ELMO1: variants seen among roughly 807,000 people sequenced by gnomAD.
The protein encoded by ELMO1 is engulfment and cell motility 1, also known as engulfment and cell motility protein 1.
Under a neutral mutation model 98.9 loss-of-function variants are expected in ELMO1, and 26 were observed. The observed-to-expected ratio is 0.26, with a 90% CI of 0.19 to 0.36. The LOEUF (loss-of-function observed/expected upper bound fraction) is 0.36. ELMO1 is among the 10% of genes least tolerant of loss of function. The pLI is 1.00. For synonymous variants in ELMO1, 346 were observed against 346.0 expected (o/e 1.00, Z 0.00); for missense variants, 627 against 935.2 (o/e 0.67, Z 4.30).
In ELMO1 at chr7:36,855,504, A is replaced by T; in HGVS notation, c.*47T>A. The T allele has an allele frequency of 1.2e-6, 2 of 1,609,624 alleles. No individual in the cohort carries two copies. Among genetic ancestry groups the T allele is most frequent in the Non-Finnish European group, 1.7e-6 (2 of 1,177,076 alleles). ...TGTGTTTTCATTCCTCTCTCCTGTT[A>T]GCTAGGTGTTCCAGTTTTGGAAGGG... On this transcript the variant is annotated 3_prime_UTR_variant, in exon 22 of 22. Transcript: ENST00000310758. The surrounding 1 kb of genome is among the most constrained non-coding windows in gnomAD (Gnocchi z 4.2).
intron 5 of ELMO1, among the ~76,000 whole-genome samples, chr7:37,262,063 A>G (rs1027969180): frequency 2.6e-5 from 4 of 152,228 alleles, no homozygotes; most frequent in African/African-American, 9.6e-5. Flanking sequence ...ATAATGTGGA[A>G]GCTAAGTAGA....
Position 36,855,852 on chromosome 7 carries a change from T to A in ELMO1, c.1984-101A>T. 1 of 1,347,770 alleles carries A rather than the reference T, an allele frequency of 7.4e-7. No homozygotes were observed. The highest frequency in any genetic ancestry group is 1.0e-6 in the Non-Finnish European group (1 of 955,972). 83.5% of individuals were successfully genotyped at this position (1,347,770 alleles called of 1,614,324 possible). Reference sequence around the variant, plus strand: ...TGAATACTCATCCCTCAGTAGGCTGTGCGCTAAGGGCTCTGCCTACTTCGT... The same window carrying A: ...TGAATACTCATCCCTCAGTAGGCTGAGCGCTAAGGGCTCTGCCTACTTCGT... On this transcript the variant is annotated intron_variant, in intron 21 of 21. Coordinates refer to ENST00000310758, the MANE Select transcript of ELMO1 (RefSeq NM_014800.11). This position sits in a 1 kb window ranked among gnomAD's most constrained non-coding sequence, Gnocchi z 4.2.
intron 14 of ELMO1, among the ~76,000 whole-genome samples, chr7:37,123,622 C>T (rs926137968): frequency 6.6e-6 from 1 of 152,138 alleles, no homozygotes; most frequent in African/African-American, 2.4e-5. Context: ...CAATAACAGG[C>T]TCTGAAATTG....
At chr7:37,252,426 A>AT (rs1795402165) in intron 6 of ELMO1, among the ~76,000 whole-genome samples, 1 of 152,200 alleles carries the variant, frequency 6.6e-6, no homozygotes, top group African/African-American at 2.4e-5. Context: ...AAATAATGCC[A>AT]CACATCTACA....
intron 5 of ELMO1, among the ~76,000 whole-genome samples, chr7:37,265,901 G>C (rs192897114): frequency 1.3e-5 from 2 of 152,270 alleles, no homozygotes; most frequent in African/African-American, 2.4e-5. Context: ...TTTTGCCAGA[G>C]CACCGGGAGG....
intron 5 of ELMO1, among the ~76,000 whole-genome samples, chr7:37,261,823 A>G (rs1243986198): frequency 2.0e-5 from 3 of 152,146 alleles, no homozygotes; most frequent in Non-Finnish European, 4.4e-5. Context: ...GCTGGTCTTG[A>G]ATTCCTGACC....
intron 16 of ELMO1, among the ~76,000 whole-genome samples, chr7:36,981,614 C>T (rs550350367): frequency 9.3e-4 from 141 of 152,122 alleles, no homozygotes; most frequent in African/African-American, 3.2e-3. Flanking sequence ...AAATTAAACC[C>T]ACGTTCCATA....
chr7:36,871,823 A>G (rs1395060992), intron 19 of ELMO1, among the ~76,000 whole-genome samples: 2 of 152,286 alleles, frequency 1.3e-5, no homozygotes, highest in South Asian at 2.1e-4. Flanking sequence ...TATTAAAACA[A>G]TACACAAGAA....
At chr7:37,176,705 C>T (rs1044629597) in intron 13 of ELMO1, among the ~76,000 whole-genome samples, 1 of 152,112 alleles carries the variant, frequency 6.6e-6, no homozygotes, top group African/African-American at 2.4e-5. Flanking sequence ...TGACCAAAAA[C>T]TGGAAGCAAA....
At chr7:37,407,968 T>A (rs775577346) in intron 1 of ELMO1, among the ~76,000 whole-genome samples, 1 of 152,104 alleles carries the variant, frequency 6.6e-6, no homozygotes, top group African/African-American at 2.4e-5. Context: ...TAGAAAAAAA[T>A]TGATTAATTT....
chr7:37,405,948 G>T (rs555401473), intron 1 of ELMO1, among the ~76,000 whole-genome samples: 1 of 152,304 alleles, frequency 6.6e-6, no homozygotes, highest in South Asian at 2.1e-4. Context: ...TATGGAAAAT[G>T]TCAACACTTG....
chr7:37,418,461 T>C (rs1804325239), intron 1 of ELMO1, among the ~76,000 whole-genome samples: 1 of 152,174 alleles, frequency 6.6e-6, no homozygotes, highest in Non-Finnish European at 1.5e-5. Flanking sequence ...TCTGGTGGCC[T>C]GGCCCAGTAC....
At chr7:37,012,273 G>A (rs1445651347) in intron 16 of ELMO1, among the ~76,000 whole-genome samples, 1 of 152,202 alleles carries the variant, frequency 6.6e-6, no homozygotes, top group Admixed American at 6.5e-5. Context: ...AATATAGTGG[G>A]AAACAAGGAT....
At chr7:37,372,986 C>A (rs1802176909) in intron 1 of ELMO1, among the ~76,000 whole-genome samples, 1 of 152,180 alleles carries the variant, frequency 6.6e-6, no homozygotes, top group South Asian at 2.1e-4. Context: ...AAGGGAAGAG[C>A]CAGACTTCCA....
chr7:37,122,847 A>T (rs1041803855), intron 14 of ELMO1, among the ~76,000 whole-genome samples: 13 of 152,182 alleles, frequency 8.5e-5, no homozygotes, highest in African/African-American at 2.7e-4. Flanking sequence ...TCTCAGCACC[A>T]CACCACACCT....
chr7:37,321,439 C>T (rs904733980), intron 2 of ELMO1, among the ~76,000 whole-genome samples: 3 of 151,794 alleles, frequency 2.0e-5, no homozygotes, highest in South Asian at 4.2e-4. Context: ...CCTAGGAGGC[C>T]GGGCGCGGTG....
rs1015264016 is a variant in ELMO1, at chr7:36,878,098, C to T, written c.1734G>A (p.Arg578=). Residue 578 remains arginine, a synonymous_variant, in exon 19 of 22, where the codon CGG becomes CGA. Transcript: ENST00000310758. ...RRRQDKFWYC[R]LSPNHKVLHY... ...GCAGGACTTTGTGATTTGGCGAAAG[C>T]CGACAATACCAAAACTTGTCTGAGA... is the stretch of plus-strand genomic sequence containing the variant. 1.2e-5 allele frequency: 19 copies of T among 1,613,912 alleles called. 1 individual carries two copies. The East Asian group carries it at 4.0e-4, about 34-fold the overall frequency.
rs149996394 is a variant in ELMO1 at position 37,220,198 on chromosome 7, C to T, written c.780+2417G>A. ...CTTTTTAGAGCTATCTCGCTACTCA[C>T]TGAAATTTTTTTAAATTTAAAAATC... On this transcript the variant is annotated intron_variant, in intron 10 of 21. Coordinates refer to ENST00000310758, the MANE Select transcript of ELMO1 (RefSeq NM_014800.11). Among the ~76,000 whole-genome samples the T allele has an allele frequency of 6.6e-5, 10 of 152,312 alleles. No homozygotes were observed. The East Asian group carries it at 9.6e-4, about 15-fold the overall frequency.
At chr7:36,965,088 C>T (rs1789297894) in intron 16 of ELMO1, among the ~76,000 whole-genome samples, 1 of 152,090 alleles carries the variant, frequency 6.6e-6, no homozygotes, top group African/African-American at 2.4e-5. Context: ...TTTTCCCAAG[C>T]ACTTGATGTG....
Sources: gnomAD v4.1 joint callset for allele counts (sites outside exome capture counted in the v4.1 genomes callset) on GRCh38, gnomAD v4.1.1 for gene constraint, Gnocchi (gnomAD v3.1) non-coding constraint, MANE v1.5 for transcripts, NCBI Gene and HGNC (gene_info 2026-07-23, HGNC 2026-07-21) for gene names.